Variants in LRIG1 observed in about 807,000 individuals in gnomAD.
LRIG1 encodes leucine rich repeats and immunoglobulin like domains 1, also known as leucine-rich repeats and immunoglobulin-like domains protein 1.
LRIG1 carries 48 observed loss-of-function variants against 99.2 expected under a neutral mutation model. The ratio of observed to expected loss-of-function variants is 0.48; its 90% CI spans 0.38 to 0.62. LRIG1 has a LOEUF of 0.62. Ranked by LOEUF, LRIG1 falls within the 20% of genes least tolerant of loss-of-function variation. The pLI is 0.00. For missense variants in LRIG1, 1,646 were observed against 1,434.4 expected (o/e 1.15, Z -2.38); for synonymous variants, 772 against 596.1 (o/e 1.29, Z -4.30).
intron 2 of LRIG1, among the ~76,000 whole-genome samples, chr3:66,454,728 T>C (rs754883545): frequency 2.0e-5 from 3 of 152,226 alleles, no homozygotes; most frequent in Non-Finnish European, 2.9e-5. Flanking sequence ...GGGCAGAACC[T>C]AGGGGTGGGT....
intron 6 of LRIG1, among the ~76,000 whole-genome samples, chr3:66,412,088 C>T (rs1224667159): frequency 1.3e-5 from 2 of 152,208 alleles, no homozygotes; most frequent in Non-Finnish European, 2.9e-5. Context: ...TGTATGCTGC[C>T]CTGCTGTTTC....
At chr3:66,390,612 C>CA (rs905569828) in intron 12 of LRIG1, among the ~76,000 whole-genome samples, 12 of 151,984 alleles carry the variant, frequency 7.9e-5, no homozygotes, top group Admixed American at 6.5e-4. Flanking sequence ...CAAGCTGATC[C>CA]AAAAAATTGT....
In LRIG1 at chr3:66,394,870, G is replaced by A. The variant is rs190231921; in HGVS notation, c.1305-667C>T. The stretch of plus-strand genomic sequence containing the variant: ...ATTCTTCAGGGGGCCGGCAGAATTC[G>A]GCTCTGCTCCCTAAATAGTGCTTGT... On this transcript the variant is annotated intron_variant, in intron 11 of 18. Coordinates refer to ENST00000273261, the MANE Select transcript of LRIG1 (RefSeq NM_015541.3). Among the ~76,000 whole-genome samples, 6 of 152,230 alleles carry A rather than the reference G, an allele frequency of 3.9e-5. No homozygotes were observed. In the East Asian group the frequency reaches 5.8e-4, roughly 15 times the overall value.
At chr3:66,392,659 A>G (rs1701668745) in intron 12 of LRIG1, among the ~76,000 whole-genome samples, 1 of 151,662 alleles carries the variant, frequency 6.6e-6, no homozygotes, top group South Asian at 2.1e-4. Context: ...GAAATAAACA[A>G]CTCTTGCAAT....
intron 10 of LRIG1, among the ~76,000 whole-genome samples, chr3:66,398,424 C>A (rs1436543681): frequency 6.6e-6 from 1 of 152,194 alleles, no homozygotes; most frequent in Non-Finnish European, 1.5e-5. Context: ...AAACCTTTCC[C>A]AACAGAGTTA....
At chr3:66,381,383 G>A (rs1701053015) in intron 17 of LRIG1, 96 bp downstream of exon 17, 1 of 1,254,584 alleles carries the variant, frequency 8.0e-7, no homozygotes, top group Non-Finnish European at 1.1e-6. Flanking sequence ...AGACAGCTGT[G>A]GACTAGGAAT....
At chr3:66,472,264 A>C (rs1341312838) in intron 1 of LRIG1, among the ~76,000 whole-genome samples, 1 of 135,382 alleles carries the variant, frequency 7.4e-6, no homozygotes, top group South Asian at 2.4e-4. Flanking sequence ...AGATCACACT[A>C]CTGCACTCCA....
intron 3 of LRIG1, among the ~76,000 whole-genome samples, chr3:66,436,363 C>T (rs935809635): frequency 1.9e-4 from 29 of 152,316 alleles, no homozygotes; most frequent in African/African-American, 5.1e-4. Flanking sequence ...TTTCCTCCCC[C>T]GCCTCTTGCA....
At chr3:66,400,519 C>G (rs1013491295) in intron 9 of LRIG1, among the ~76,000 whole-genome samples, 4 of 152,194 alleles carry the variant, frequency 2.6e-5, no homozygotes, top group Non-Finnish European at 4.4e-5. Flanking sequence ...GTCAACAGGT[C>G]TGTCCAAGGC....
chr3:66,393,534 AAG>A (rs536121582), intron 12 of LRIG1, among the ~76,000 whole-genome samples: 77 of 152,374 alleles, frequency 5.1e-4, no homozygotes, highest in African/African-American at 1.8e-3. Context: ...AGAAGGCAAA[AAG>A]AATGTAAAGC....
At chr3:66,463,335 G>A (rs1030570963) in intron 1 of LRIG1, among the ~76,000 whole-genome samples, 15 of 152,328 alleles carry the variant, frequency 9.8e-5, no homozygotes, top group Admixed American at 8.5e-4. Context: ...AGTCACACAG[G>A]AGAAAAGGGC....
chr3:66,420,700 G>T lies in LRIG1; in HGVS notation c.366-3434C>A, dbSNP rs889031484. On this transcript the variant is annotated intron_variant, in intron 3 of 18. Coordinates refer to ENST00000273261, the MANE Select transcript of LRIG1 (RefSeq NM_015541.3). ...AGATGCCTGTCACAAAAAGACAAAT[G>T]CTGTATGGTCCACTTATGTGAGGTA... 1.3e-4 allele frequency among the ~76,000 whole-genome samples: 20 copies of T among 152,334 alleles called. 1 individual carries two copies. Among genetic ancestry groups the T allele is most frequent in the African/African-American group, 4.8e-4 (20 of 41,576 alleles).
At position 66,500,571 on chromosome 3, in the gene LRIG1, G is replaced by A. The variant is rs946766379; in HGVS notation, c.-164C>T. 7.6e-5 allele frequency: 29 copies of A among 382,810 alleles called. No individual in the cohort carries two copies. Among genetic ancestry groups the A allele is most frequent in the Non-Finnish European group, 1.0e-4 (23 of 220,870 alleles). 23.7% of individuals were successfully genotyped at this position (382,810 alleles called of 1,614,324 possible). A position where few individuals can be genotyped will look rare whatever the true frequency, so the allele number is the denominator to read the frequency against. ...TGCGGCCGCGGCTCCGGCACTCAGCGTGCCCCCGGTGCCCGGGCCGCTCCG... is the reference window on the plus strand; with the variant it reads ...TGCGGCCGCGGCTCCGGCACTCAGCATGCCCCCGGTGCCCGGGCCGCTCCG... On this transcript the variant is annotated 5_prime_UTR_variant, in exon 1 of 19. It adds an upstream start codon to the 5' untranslated region. Coordinates refer to ENST00000273261, the MANE Select transcript of LRIG1 (RefSeq NM_015541.3).
chr3:66,398,877 A>G (rs901463335), intron 10 of LRIG1, 93 bp downstream of exon 10: 10 of 1,017,406 alleles, frequency 9.8e-6, no homozygotes, highest in Non-Finnish European at 1.4e-5. Context: ...CCTGTTTCTC[A>G]GTTTACAAAG....
intron 1 of LRIG1, among the ~76,000 whole-genome samples, chr3:66,475,670 G>A (rs1370492627): frequency 6.6e-6 from 1 of 152,200 alleles, no homozygotes; most frequent in Non-Finnish European, 1.5e-5. Context: ...TTTAGATTTG[G>A]TTAGGTTTAA....
At chr3:66,395,786 T>A (rs1182363951) in intron 11 of LRIG1, among the ~76,000 whole-genome samples, 1 of 151,500 alleles carries the variant, frequency 6.6e-6, no homozygotes, top group East Asian at 2.0e-4. Context: ...TGCATGGGGG[T>A]CAGGGCTGGC....
rs1462792998 is a variant in LRIG1, at chr3:66,384,176, T to C, written c.1886A>G (p.Gln629Arg). 2 of 1,614,086 alleles carry C rather than the reference T, an allele frequency of 1.2e-6. No homozygotes were observed. Among genetic ancestry groups the C allele is most frequent in the African/African-American group, 2.7e-5 (2 of 74,910 alleles). ...GCCTCCATCCTTCTGCCAGGCAATC[T>C]GAGGGTTTGGGTGACCTGTGGCAGC... ...ECAATGHPNP[Q>R]IAWQKDGGTD... The change falls in exon 14 of 19, where the codon CAG (glutamine) becomes CGG (arginine). Residue 629 changes from glutamine to arginine, a missense_variant. Gln to Arg is a conservative substitution (Grantham distance 43). Transcript: ENST00000273261.
intron 1 of LRIG1, among the ~76,000 whole-genome samples, chr3:66,477,524 G>A (rs926428850): frequency 2.6e-5 from 4 of 152,196 alleles, no homozygotes; most frequent in Non-Finnish European, 2.9e-5. Flanking sequence ...GCACAATGGA[G>A]CAGTAGGTAG....
intron 8 of LRIG1, chr3:66,406,114 C>G: frequency 1.0e-6 from 1 of 985,572 alleles, no homozygotes; most frequent in Non-Finnish European, 1.2e-6. Context: ...CTGTGAGAAG[C>G]TGCAGCAGGA....
Sources: allele counts gnomAD v4.1 joint callset (sites outside exome capture counted in the v4.1 genomes callset), GRCh38; gene constraint gnomAD v4.1.1; transcripts MANE v1.5; gene names NCBI Gene and HGNC (gene_info 2026-07-23, HGNC 2026-07-21).